Variants in ZNF674 observed in about 807,000 individuals in gnomAD.
ZNF674 encodes the protein zinc finger family member 674.
Under a neutral mutation model 7.0 loss-of-function variants are expected in ZNF674, and 2 were observed. That is an observed-to-expected ratio of 0.29 (90% CI 0.12 to 0.90). The LOEUF (loss-of-function observed/expected upper bound fraction) is 0.90, where lower values mean the gene tolerates loss of function less well. ZNF674 is among the 40% of genes least tolerant of loss of function. The pLI is 0.57. For missense variants in ZNF674, 297 were observed against 415.5 expected, an observed-to-expected ratio of 0.71 and a Z score of 2.48; for synonymous variants, 103 against 145.2, an observed-to-expected ratio of 0.71 and a Z score of 2.09.
intron 3 of ZNF674, 112 bp from the exon 4 acceptor site, chrX:46,529,021 A>C: frequency 8.5e-7 from 1 of 1,177,693 alleles, no homozygotes; most frequent in Non-Finnish European, 1.1e-6. Context: ...CTTTACATGT[A>C]CTAAAGATTT....
At chrX:46,544,124 C>T (rs1237113964) in intron 2 of ZNF674, among the ~76,000 whole-genome samples, 1 of 112,889 alleles carries the variant, frequency 8.9e-6, no homozygotes, top group African/African-American at 3.2e-5. Context: ...AGCAGGGCAC[C>T]TGCCCCCATG....
At chrX:46,506,233 T>A (rs1259036403) in intron 5 of ZNF674, among the ~76,000 whole-genome samples, 2 of 111,382 alleles carry the variant, frequency 1.8e-5, no homozygotes, top group East Asian at 5.6e-4. Flanking sequence ...GTTTTTCTTC[T>A]GGGAGTCTGG....
rs1569480515 is a variant in ZNF674 at position 46,528,842 on chromosome X, G to C, written c.83C>G (p.Ala28Gly). The C allele has an allele frequency of 8.3e-7, 1 of 1,211,713 alleles. No individual in the cohort carries two copies. Residue 28 changes from alanine (A) to glycine (G), a missense_variant, in exon 4 of 6, where the codon GCC becomes GGC. Coordinates refer to ENST00000683375, the MANE Select transcript of ZNF674 (RefSeq NM_001190417.2). ...GACATCCCTGTAGAGGTTCTTCTGG[G>C]CAGAGTCCAGTTGCTGCCACTCCTC... is the stretch of plus-strand genomic sequence containing the variant. ...TLEEWQQLDS[A>G]QKNLYRDVML...
intron 5 of ZNF674, among the ~76,000 whole-genome samples, chrX:46,506,425 A>AC (rs1941540374): frequency 1.8e-5 from 2 of 110,767 alleles, no homozygotes; most frequent in African/African-American, 6.5e-5. Flanking sequence ...GAAAAAAAAA[A>AC]AAAAAACTAT....
intron 3 of ZNF674, among the ~76,000 whole-genome samples, chrX:46,533,203 C>G (rs750240585): frequency 1.3e-4 from 15 of 111,503 alleles, no homozygotes; most frequent in Non-Finnish European, 2.6e-4. Flanking sequence ...TTTTGCATTT[C>G]TGACGACCAG....
In ZNF674 at chrX:46,508,539, A is replaced by G. The variant is rs895950018; in HGVS notation, c.239-7204T>C. 2.7e-5 allele frequency among the ~76,000 whole-genome samples: 3 copies of G among 111,418 alleles called. No homozygotes were observed. The Admixed American group carries it at 2.9e-4, about 11-fold the overall frequency. ...GCTTGATGGGGATGGCATTGAATCT[A>G]TAAATTACCTTGGGCAGTATGGCCA... On this transcript the variant is annotated intron_variant, in intron 5 of 5. Coordinates refer to ENST00000683375, the MANE Select transcript of ZNF674 (RefSeq NM_001190417.2).
At chrX:46,526,612 T>TCAA (rs199879950) in intron 5 of ZNF674, among the ~76,000 whole-genome samples, 9 of 110,419 alleles carry the variant, frequency 8.2e-5, no homozygotes, top group Admixed American at 3.0e-4. Context: ...GCAAAGTAAG[T>TCAA]CAACAACAAC....
chrX:46,520,925 G>A (rs780555959), intron 5 of ZNF674, among the ~76,000 whole-genome samples: 26 of 111,452 alleles, frequency 2.3e-4, no homozygotes, highest in African/African-American at 8.5e-4. Flanking sequence ...AGTGGCTCAC[G>A]ACTCTAATCC....
At chrX:46,522,258 T>C (rs1472995103) in intron 5 of ZNF674, among the ~76,000 whole-genome samples, 1 of 108,889 alleles carries the variant, frequency 9.2e-6, no homozygotes, top group Non-Finnish European at 1.9e-5. Context: ...ACAACCTAGG[T>C]ATATACATAG....
chrX:46,503,461 G>T (rs1941471125), intron 5 of ZNF674, among the ~76,000 whole-genome samples: 3 of 111,805 alleles, frequency 2.7e-5, no homozygotes, highest in Non-Finnish European at 5.6e-5. Flanking sequence ...TGAAAAGCAG[G>T]CTATGTAGAA....
chrX:46,503,031 G>A (rs1941463742), intron 5 of ZNF674, among the ~76,000 whole-genome samples: 1 of 112,125 alleles, frequency 8.9e-6, no homozygotes, highest in Non-Finnish European at 1.9e-5. Flanking sequence ...TCCTACCACT[G>A]AATGTCCAAA....
intron 3 of ZNF674, chrX:46,529,378 A>G: frequency 1.5e-5 from 2 of 131,881 alleles, no homozygotes; most frequent in Non-Finnish European, 1.6e-5. Flanking sequence ...ATTGATACAA[A>G]ATGACACCTT....
chrX:46,511,514 G>A (rs191418157), intron 5 of ZNF674, among the ~76,000 whole-genome samples: 13 of 111,979 alleles, frequency 1.2e-4, no homozygotes, highest in African/African-American at 3.6e-4. Context: ...AAGGATAACT[G>A]AGTAAGAGTT....
chrX:46,500,406 T>C lies in ZNF674; in HGVS notation c.1168A>G (p.Arg390Gly), dbSNP rs1300526253. 2.5e-6 allele frequency: 3 copies of C among 1,211,123 alleles called. No homozygotes were observed. The highest frequency in any genetic ancestry group is 3.4e-6 in the Non-Finnish European group (3 of 894,741). ...TGAACAGAGAGGTGTGACTTTCCTC[T>C]GAAGCTTTTCCCACATTTACTACAC... The part of the protein sequence containing the change: ...YECSKCGKSF[R>G]GKSHLSVHQR... The change falls in exon 6 of 6, where the codon AGA (arginine) becomes GGA (glycine). Residue 390 changes from arginine to glycine, a missense_variant. Physicochemically the swap from Arg to Gly is moderately radical, Grantham distance 125 (BLOSUM62 -2). Transcript: ENST00000683375.
At chrX:46,538,177 C>A (rs1197001759) in intron 3 of ZNF674, among the ~76,000 whole-genome samples, 1 of 111,697 alleles carries the variant, frequency 9.0e-6, no homozygotes, top group Non-Finnish European at 1.9e-5. Context: ...ATATTTAGGT[C>A]TACAACCAAT....
intron 3 of ZNF674, among the ~76,000 whole-genome samples, chrX:46,541,361 CAAAAA>C (rs34440167): frequency 1.8e-5 from 1 of 54,698 alleles, no homozygotes; most frequent in Non-Finnish European, 3.4e-5. Context: ...AACTCCGTCA[CAAAAA>C]AAAAAAAAAA....
At chrX:46,535,243 C>T (rs1220771027) in intron 3 of ZNF674, among the ~76,000 whole-genome samples, 2 of 110,842 alleles carry the variant, frequency 1.8e-5, no homozygotes, top group African/African-American at 6.6e-5. Context: ...ACCTCCTGGG[C>T]TCAAGCGATC....
chrX:46,510,786 G>C (rs1277064158), intron 5 of ZNF674, among the ~76,000 whole-genome samples: 1 of 112,281 alleles, frequency 8.9e-6, no homozygotes, highest in Non-Finnish European at 1.9e-5. Flanking sequence ...GCGAGACTCT[G>C]TCTCAAAACA....
intron 3 of ZNF674, among the ~76,000 whole-genome samples, chrX:46,531,403 C>T: frequency 8.9e-6 from 1 of 111,776 alleles, no homozygotes; most frequent in Middle Eastern, 4.6e-3. Context: ...TAGATGATAC[C>T]CTACTCGAGA....
Sources: allele counts gnomAD v4.1 joint callset (sites outside exome capture counted in the v4.1 genomes callset), GRCh38; gene constraint gnomAD v4.1.1; transcripts MANE v1.5; gene names NCBI Gene and HGNC (gene_info 2026-07-23, HGNC 2026-07-21).